SMTNL1: variants seen among roughly 807,000 people sequenced by gnomAD.
The protein encoded by SMTNL1 is smoothelin like 1, also known as smoothelin-like protein 1.
A neutral mutation model predicts 46.6 loss-of-function variants in SMTNL1; 41 were observed. The observed-to-expected ratio is 0.88, with a 90% CI of 0.69 to 1.14. The LOEUF (loss-of-function observed/expected upper bound fraction) is 1.14, where lower values mean the gene tolerates loss of function less well. Ranked by LOEUF, SMTNL1 falls within the 50% of genes most tolerant of loss-of-function variation. The pLI is 0.00. For synonymous variants in SMTNL1, 234 were observed against 234.2 expected (o/e 1.00, Z 0.01); for missense variants, 591 against 626.1 (o/e 0.94, Z 0.60).
At position 57,550,092 on chromosome 11, in the gene SMTNL1, G is replaced by C. The variant is rs778290328; in HGVS notation, c.1465G>C (p.Val489Leu). The C allele has an allele frequency of 5.0e-6, 8 of 1,613,386 alleles. No homozygotes were observed. The South Asian group carries it at 8.8e-5, about 18-fold the overall frequency. Residue 489 changes from valine to leucine, a missense_variant, in exon 8 of 8, where the codon GTG (valine) becomes CTG (leucine). By Grantham distance (32) the Val-to-Leu change is conservative. Transcript: ENST00000527972. ...CCGCAGCCTTGTGCAGAAAGGACTG[G>C]TGAAGACCAAGAAGAAGTGAGGAGG... ...LYRSLVQKGL[V>L]KTKKK is the part of the protein sequence containing the mutation.
At position 57,542,277 on chromosome 11, in the gene SMTNL1, G is replaced by A. The variant is rs896114784; in HGVS notation, c.-2-364G>A. Among the ~76,000 whole-genome samples the A allele has an allele frequency of 2.0e-5, 3 of 152,176 alleles. 1 individual carries two copies. In the South Asian group the frequency reaches 6.2e-4, roughly 32 times the overall value. ...TGTGCTCCTGCACTCCAGCCTGGAT[G>A]ACAGAGCGAGACCTTGTCTCAAAAA... On this transcript the variant is annotated intron_variant, in intron 1 of 7. Transcript: ENST00000527972.
chr11:57,541,310 T>C (rs1023333612), intron 1 of SMTNL1, among the ~76,000 whole-genome samples: 14 of 151,820 alleles, frequency 9.2e-5, no homozygotes, highest in African/African-American at 2.9e-4. Flanking sequence ...GTGACAGGAG[T>C]GTCCACTTTT....
chr11:57,543,580 G>C, intron 2 of SMTNL1, 44 bp from the exon 3 acceptor site: 1 of 1,591,348 alleles, frequency 6.3e-7, no homozygotes, highest in Non-Finnish European at 8.5e-7. Flanking sequence ...AGCCAGGGCA[G>C]GTGCTGTGTG....
chr11:57,542,508 G>T lies in SMTNL1; in HGVS notation c.-2-133G>T, dbSNP rs896409648. ...AGCACTTCTCTCTCCTTCGTGATTG[G>T]GCCCCATGTCCAAGTAGGAGCCAAG... On this transcript the variant is annotated intron_variant, in intron 1 of 7. Coordinates refer to ENST00000527972, the MANE Select transcript of SMTNL1 (RefSeq NM_001105565.3). The T allele has an allele frequency of 5.1e-6, 5 of 989,416 alleles. No individual in the cohort carries two copies. In the African/African-American group the frequency reaches 8.2e-5, roughly 16 times the overall value. 61.3% of individuals were successfully genotyped at this position (989,416 alleles called of 1,614,324 possible).
At chr11:57,546,778 T>C in intron 7 of SMTNL1, 126 bp downstream of exon 7, 1 of 1,226,736 alleles carries the variant, frequency 8.2e-7, no homozygotes, top group African/African-American at 1.5e-5. Context: ...CAACAGACAT[T>C]TTTTGAGGGC....
intron 1 of SMTNL1, among the ~76,000 whole-genome samples, chr11:57,539,334 GCA>G (rs1944855763): frequency 6.6e-6 from 1 of 152,196 alleles, no homozygotes; most frequent in African/African-American, 2.4e-5. Context: ...TCCAGCCTGG[GCA>G]ACAGAGTAAG....
In SMTNL1 at chr11:57,546,515, G is replaced by A; in HGVS notation, c.1203G>A (p.Gln401=). 1 of 1,614,208 alleles carries A rather than the reference G, an allele frequency of 6.2e-7. No homozygotes were observed. The highest frequency in any genetic ancestry group is 8.5e-7 in the Non-Finnish European group (1 of 1,180,026). ...GCCTGCCATAGCATGTGGACATCCA[G>A]AACTTCTCCTCCAGCTGGAGCAGTG... is the stretch of plus-strand genomic sequence containing the variant. ...MTKKYEHVDI[Q]NFSSSWSSGM... Residue 401 remains glutamine (Q), a synonymous_variant, in exon 7 of 8, where the codon CAG becomes CAA. Transcript: ENST00000527972.
At chr11:57,546,762 T>G (rs1428045027) in intron 7 of SMTNL1, 110 bp downstream of exon 7, 1 of 1,341,920 alleles carries the variant, frequency 7.5e-7, no homozygotes, top group Non-Finnish European at 1.0e-6. Flanking sequence ...CACACATTCA[T>G]GTATCCAACA....
In SMTNL1 at chr11:57,546,249, A is replaced by G; in HGVS notation, c.1090A>G (p.Thr364Ala). 1 of 1,604,718 alleles carries G rather than the reference A, an allele frequency of 6.2e-7. No individual in the cohort carries two copies. Among genetic ancestry groups the G allele is most frequent in the Non-Finnish European group, 8.5e-7 (1 of 1,175,772 alleles). Residue 364 changes from threonine to alanine, a missense_variant, in exon 6 of 8, where the codon ACG becomes GCG. Thr to Ala is a moderately conservative substitution (Grantham distance 58). Coordinates refer to ENST00000527972, the MANE Select transcript of SMTNL1 (RefSeq NM_001105565.3). ...CCCTCACAGGGCAGCTTCCGGCCCC[A>G]CGGCCTTGTTCCGCAACACTAAGGC... ...DKFGGAASGP[T>A]ALFRNTKAAG...
Position 57,550,197 on chromosome 11 carries a change from G to A in SMTNL1, c.*85G>A. ...CGGGGGTTCCCTTCTGCTCCATGGA[G>A]GCACCAGAGCCAGGGGCTTAGGCAA... is the stretch of plus-strand genomic sequence containing the variant. On this transcript the variant is annotated 3_prime_UTR_variant, in exon 8 of 8. Transcript: ENST00000527972. 7.0e-7 allele frequency: 1 copy of A among 1,420,992 alleles called. No individual in the cohort carries two copies. The highest frequency in any genetic ancestry group is 2.5e-5 in the East Asian group (1 of 40,694). 88.0% of individuals were successfully genotyped at this position (1,420,992 alleles called of 1,614,324 possible).
chr11:57,543,071 G>A lies in SMTNL1; in HGVS notation c.429G>A (p.Glu143=). The A allele has an allele frequency of 6.2e-7, 1 of 1,609,754 alleles. No homozygotes were observed. Among genetic ancestry groups the A allele is most frequent in the Non-Finnish European group, 8.5e-7 (1 of 1,177,926 alleles). The change falls in exon 2 of 8, where the codon GAG becomes GAA. Residue 143 remains glutamate (E), a synonymous_variant. Coordinates refer to ENST00000527972, the MANE Select transcript of SMTNL1 (RefSeq NM_001105565.3). ...AGAAGCAGAAGGCTGAGGAGAAAGA[G>A]GCCAAACCTGAATCTGGGCAGAAAG... The part of the protein sequence containing the change: ...ASEKQKAEEK[E]AKPESGQKAD...
At chr11:57,542,403 A>G (rs1427554852) in intron 1 of SMTNL1, among the ~76,000 whole-genome samples, 1 of 152,268 alleles carries the variant, frequency 6.6e-6, no homozygotes, top group African/African-American at 2.4e-5. Context: ...TTAAAGCCAA[A>G]GCCAGAACCT....
chr11:57,538,822 C>T (rs538386431), intron 1 of SMTNL1, among the ~76,000 whole-genome samples: 1 of 152,302 alleles, frequency 6.6e-6, no homozygotes, highest in South Asian at 2.1e-4. Context: ...GAAAGCAGGG[C>T]CTCCGCAGCA....
Position 57,549,983 on chromosome 11 carries a change from T to C in SMTNL1, c.1356T>C (p.Cys452=), listed in dbSNP as rs1363256146. 1 of 1,613,990 alleles carries C rather than the reference T, an allele frequency of 6.2e-7. No individual in the cohort carries two copies. Among genetic ancestry groups the C allele is most frequent in the East Asian group, 2.2e-5 (1 of 44,876 alleles). ...CATTCCTTAGGAAACTGGCTGACTG[T>C]GCTCAGCTGCTGGACGTGGATGACA... ...AFSTAEKLAD[C]AQLLDVDDMV... Residue 452 remains cysteine (C), a synonymous_variant, in exon 8 of 8, where the codon TGT becomes TGC. Coordinates refer to ENST00000527972, the MANE Select transcript of SMTNL1 (RefSeq NM_001105565.3).
At chr11:57,545,407 C>G (rs960981408) in intron 4 of SMTNL1, among the ~76,000 whole-genome samples, 1 of 151,664 alleles carries the variant, frequency 6.6e-6, no homozygotes, top group African/African-American at 2.4e-5. Context: ...GTGTTTGAGA[C>G]CAGCCTGGCC....
chr11:57,542,113 AACAC>A (rs1554989089), intron 1 of SMTNL1, among the ~76,000 whole-genome samples: 2 of 105,452 alleles, frequency 1.9e-5, no homozygotes, highest in East Asian at 2.9e-4. Flanking sequence ...ACAAAAAAAA[AACAC>A]ACACACACAC....
intron 1 of SMTNL1, among the ~76,000 whole-genome samples, chr11:57,540,715 C>CTTTT (rs370179940): frequency 1.4e-4 from 21 of 144,966 alleles, no homozygotes; most frequent in Middle Eastern, 3.6e-3. Context: ...CATCTTCCCT[C>CTTTT]TTTTTTTTTT....
intron 7 of SMTNL1, among the ~76,000 whole-genome samples, chr11:57,547,793 C>G (rs1334790838): frequency 6.6e-6 from 1 of 152,260 alleles, no homozygotes; most frequent in African/African-American, 2.4e-5. Flanking sequence ...TTGTCCCATT[C>G]TCCAAAATCC....
chr11:57,545,397 G>A (rs915505653), intron 4 of SMTNL1, among the ~76,000 whole-genome samples: 3 of 151,824 alleles, frequency 2.0e-5, no homozygotes, highest in African/African-American at 7.3e-5. Flanking sequence ...TTGAGGTCAG[G>A]TGTTTGAGAC....
Sources: gnomAD v4.1 joint callset for allele counts (sites outside exome capture counted in the v4.1 genomes callset) on GRCh38, gnomAD v4.1.1 for gene constraint, MANE v1.5 for transcripts, NCBI Gene and HGNC (gene_info 2026-07-23, HGNC 2026-07-21) for gene names.